The following GSN variants were observed in gnomAD, a reference collection of about 807,000 sequenced individuals.
GSN encodes the protein actin-depolymerizing factor.
GSN carries 56 observed loss-of-function variants against 85.7 expected under a neutral mutation model. The observed-to-expected ratio is 0.65, with a 90% CI of 0.53 to 0.82. GSN has a LOEUF of 0.82. GSN is among the 40% of genes least tolerant of loss of function. GSN has a pLI of 0.00. For synonymous variants in GSN, 373 were observed against 399.1 expected (o/e 0.93, Z 0.78); for missense variants, 857 against 979.8 (o/e 0.87, Z 1.67).
chr9:121,288,043 C>T (rs2058326085), intron 2 of GSN, among the ~76,000 whole-genome samples: 1 of 152,200 alleles, frequency 6.6e-6, no homozygotes, highest in Non-Finnish European at 1.5e-5. Flanking sequence ...CCTCCCACCT[C>T]AGCCTCCCGA....
At chr9:121,238,169 T>C (rs1188854434) in intron 5 of GSN, 1 of 152,486 alleles carries the variant, frequency 6.6e-6, no homozygotes, top group Non-Finnish European at 1.5e-5. Context: ...TGATGGTTAA[T>C]ACTTAGTGTC....
At chr9:121,327,892 T>G (rs2133908417) in intron 14 of GSN, among the ~76,000 whole-genome samples, 1 of 152,266 alleles carries the variant, frequency 6.6e-6, no homozygotes, top group South Asian at 2.1e-4. Flanking sequence ...GAGAATCACT[T>G]CAACCCGAGA....
intron 11 of GSN, among the ~76,000 whole-genome samples, chr9:121,322,783 T>C (rs78152277): frequency 0.035 from 5,370 of 152,256 alleles, 143 homozygotes; most frequent in Non-Finnish European, 0.048. Flanking sequence ...TTAACTTGTA[T>C]TTCTCTTACT....
At chr9:121,307,308 A>G (rs758832342) in intron 4 of GSN, among the ~76,000 whole-genome samples, 20 of 152,246 alleles carry the variant, frequency 1.3e-4, no homozygotes, top group Non-Finnish European at 2.8e-4. Flanking sequence ...TGAAAGGCAT[A>G]CTTCAACAAG....
At chr9:121,312,569 G>T in intron 6 of GSN, 81 bp downstream of exon 6, 371 of 897,636 alleles carry the variant, frequency 4.1e-4, no homozygotes, top group East Asian at 6.4e-4. Context: ...AATTTGAGGT[G>T]AATTTGAGGA....
At chr9:121,285,285 T>A (rs892627760) in intron 2 of GSN, 10 of 167,142 alleles carry the variant, frequency 6.0e-5, no homozygotes, top group African/African-American at 2.4e-4. Context: ...AATCTGCCCC[T>A]CAGGGAGTTC....
intron 2 of GSN, chr9:121,297,739 T>G (rs1231601202): frequency 6.6e-6 from 1 of 152,258 alleles, no homozygotes; most frequent in Non-Finnish European, 1.5e-5. Flanking sequence ...TCTATTGTAA[T>G]GGTGGCTCCA....
intron 2 of GSN, chr9:121,286,003 C>A: frequency 3.4e-6 from 3 of 879,546 alleles, no homozygotes; most frequent in South Asian, 1.4e-5. Context: ...GAACCATTTC[C>A]GGAACTGTGT....
At chr9:121,273,374 G>T (rs562567541) in intron 1 of GSN, among the ~76,000 whole-genome samples, 10 of 152,234 alleles carry the variant, frequency 6.6e-5, no homozygotes, top group Non-Finnish European at 1.2e-4. Context: ...CTGGGTTTTG[G>T]TGGGTACTAA....
Position 121,318,897 on chromosome 9 carries a change from G to T in GSN, c.1191+17G>T. Reference sequence around the variant, plus strand: ...CAGAAACAGGTACGTTTAGGGCGTGGGGTGGGTGTGTCCAGGCCCCTCCCT... The same window carrying T: ...CAGAAACAGGTACGTTTAGGGCGTGTGGTGGGTGTGTCCAGGCCCCTCCCT... On this transcript the variant is annotated intron_variant, in intron 10 of 17. Transcript: ENST00000432226. The surrounding 1 kb of genome is among the most constrained non-coding windows in gnomAD (Gnocchi z 4.3). 1.3e-6 allele frequency: 2 copies of T among 1,595,114 alleles called. No individual in the cohort carries two copies. The highest frequency in any genetic ancestry group is 1.7e-6 in the Non-Finnish European group (2 of 1,163,136).
At chr9:121,211,836 CA>C (rs1019751869) in intron 4 of GSN, among the ~76,000 whole-genome samples, 6 of 152,040 alleles carry the variant, frequency 3.9e-5, no homozygotes, top group Admixed American at 1.3e-4. Context: ...AAACCCATAG[CA>C]AAAAAATATA....
At chr9:121,313,785 C>A in intron 6 of GSN, 149 bp from the exon 7 acceptor site, 1 of 700,510 alleles carries the variant, frequency 1.4e-6, no homozygotes, top group South Asian at 1.5e-5. Flanking sequence ...GACATGTGAG[C>A]AGATGCAGGA....
chr9:121,302,223 C>G lies in GSN; in HGVS notation c.196+56C>G, dbSNP rs1011007019. On this transcript the variant is annotated intron_variant, in intron 3 of 17. Transcript: ENST00000432226. ...AGCCCCCATTCTGAACAGTGCAGACCTTTGGGGCATGGTCCCCAGGGAGGG... is the reference window on the plus strand; with the variant it reads ...AGCCCCCATTCTGAACAGTGCAGACGTTTGGGGCATGGTCCCCAGGGAGGG... 3.8e-6 allele frequency: 6 copies of G among 1,585,232 alleles called. No individual in the cohort carries two copies. In the East Asian group the frequency reaches 1.1e-4, roughly 30 times the overall value.
intron 1 of GSN, among the ~76,000 whole-genome samples, chr9:121,274,809 A>G (rs1457228004): frequency 6.6e-6 from 1 of 152,214 alleles, no homozygotes; most frequent in Non-Finnish European, 1.5e-5. Context: ...GGCATGGTGG[A>G]GGATGAGGAG....
chr9:121,327,307 G>C lies in GSN; in HGVS notation c.1588-1G>C. 6.2e-7 allele frequency: 1 copy of C among 1,613,406 alleles called. No homozygotes were observed. Among genetic ancestry groups the C allele is most frequent in the Non-Finnish European group, 8.5e-7 (1 of 1,179,390 alleles). ...TGATTAACCAAGCTGTACCCTCCCAGGTATTGCCTAAGGCTGGTGCACTGA... is the reference window on the plus strand; with the variant it reads ...TGATTAACCAAGCTGTACCCTCCCACGTATTGCCTAAGGCTGGTGCACTGA... On this transcript the variant is annotated splice_acceptor_variant, in intron 13 of 17. Transcript: ENST00000432226. LOFTEE classifies it high-confidence loss of function.
intron 1 of GSN, among the ~76,000 whole-genome samples, chr9:121,276,773 T>G (rs1490081837): frequency 6.6e-6 from 1 of 150,754 alleles, no homozygotes; most frequent in Non-Finnish European, 1.5e-5. Context: ...AGAAACCTGG[T>G]GGTGGTCGGG....
At chr9:121,227,227 C>G (rs11792395) in intron 4 of GSN, among the ~76,000 whole-genome samples, 2 of 152,118 alleles carry the variant, frequency 1.3e-5, no homozygotes, top group Non-Finnish European at 2.9e-5. Context: ...AACCCCGACT[C>G]TACTAAAAAT....
intron 4 of GSN, among the ~76,000 whole-genome samples, chr9:121,219,671 C>T (rs1439593944): frequency 6.6e-6 from 1 of 152,148 alleles, no homozygotes; most frequent in Non-Finnish European, 1.5e-5. Context: ...GTCAATCACA[C>T]ACCCACCAGT....
rs140821304 is a variant in GSN, at chr9:121,212,574, C to T, written c.-528+1707C>T. ...TAGAATCCCCAGAGCATGGTATCTG[C>T]GACAAATTAAGCTAGACATAATTTT... On this transcript the variant is annotated intron_variant, in intron 4 of 24. Transcript: ENST00000373823. Among the ~76,000 whole-genome samples the T allele has an allele frequency of 3.8e-3, 575 of 151,916 alleles. 1 individual carries two copies. Among genetic ancestry groups the T allele is most frequent in the African/African-American group, 0.013 (534 of 41,456 alleles).
Sources: gnomAD v4.1 joint callset for allele counts (sites outside exome capture counted in the v4.1 genomes callset) on GRCh38, gnomAD v4.1.1 for gene constraint, Gnocchi (gnomAD v3.1) non-coding constraint, MANE v1.5 for transcripts, NCBI Gene and HGNC (gene_info 2026-07-23, HGNC 2026-07-21) for gene names.